The following ANKMY2 variants were observed in gnomAD, a reference collection of about 807,000 sequenced individuals.
ANKMY2 encodes ankyrin repeat and MYND domain containing 2.
ANKMY2 carries 36 observed loss-of-function variants against 50.4 expected under a neutral mutation model. The ratio of observed to expected loss-of-function variants is 0.71; its 90% CI spans 0.55 to 0.94. The LOEUF (loss-of-function observed/expected upper bound fraction) is 0.94. ANKMY2 is among the 40% of genes least tolerant of loss of function. The probability of loss-of-function intolerance (pLI) is 0.00; values close to 1 mark genes in which losing one functional copy is unlikely to be tolerated. For missense variants in ANKMY2, 565 were observed against 524.0 expected (o/e 1.08, Z -0.76); for synonymous variants, 187 against 178.8 (o/e 1.05, Z -0.36).
At chr7:16,603,378 C>T (rs1781102197) in intron 8 of ANKMY2, among the ~76,000 whole-genome samples, 1 of 151,856 alleles carries the variant, frequency 6.6e-6, no homozygotes, top group South Asian at 2.1e-4. Flanking sequence ...TCGAGGTAGA[C>T]AGAAAAATGG....
intron 2 of ANKMY2, among the ~76,000 whole-genome samples, chr7:16,628,777 T>C (rs13244390): frequency 0.17 from 26,411 of 152,004 alleles, 2,594 homozygotes; most frequent in Middle Eastern, 0.26. Context: ...CCCGACTTCA[T>C]CATGGAGTTT....
At chr7:16,630,053 C>A (rs1781560793) in intron 2 of ANKMY2, among the ~76,000 whole-genome samples, 2 of 151,852 alleles carry the variant, frequency 1.3e-5, no homozygotes, top group African/African-American at 2.4e-5. Context: ...GAGAATATTC[C>A]CATGTTCAAA....
At position 16,604,767 on chromosome 7, in the gene ANKMY2, G is replaced by A; in HGVS notation, c.965C>T (p.Thr322Ile). 1.2e-6 allele frequency: 2 copies of A among 1,614,026 alleles called. No homozygotes were observed. The highest frequency in any genetic ancestry group is 1.7e-6 in the Non-Finnish European group (2 of 1,179,984). The change falls in exon 8 of 10, where the codon ACC becomes ATC. Residue 322 changes from threonine to isoleucine, a missense_variant. Thr to Ile is a moderately conservative substitution (Grantham distance 89). Transcript: ENST00000306999. ...VGFVDVEFCT[T>I]CGEKGASKRC... ...TTTACTTGCTCCCTTTTCTCCACAG[G>A]TAGTGCAAAATTCCACATCCACAAA...
In ANKMY2 at chr7:16,612,342, CATTT is replaced by C. The variant is rs1308993162; in HGVS notation, c.532-1583_532-1580del. On this transcript the variant is annotated intron_variant, in intron 5 of 9. Transcript: ENST00000306999. ...AAATTAAACGAATTTCACTTTTTGA[CATTT>C]ATTAGATTTATACACAATCTAGTGT... 2.6e-5 allele frequency among the ~76,000 whole-genome samples: 4 copies of C among 152,248 alleles called. No homozygotes were observed. The East Asian group carries it at 7.7e-4, about 29-fold the overall frequency.
chr7:16,618,300 CA>C lies in ANKMY2; in HGVS notation c.371-2397del, dbSNP rs200704757. On this transcript the variant is annotated intron_variant, in intron 4 of 9. Coordinates refer to ENST00000306999, the MANE Select transcript of ANKMY2 (RefSeq NM_020319.3). ...AGACACCCTGTTTCAACAAAACAAA[CA>C]AAAAAGATCGAGTGGATGAAATATC... Among the ~76,000 whole-genome samples, 390 of 151,734 alleles carry C rather than the reference CA, an allele frequency of 2.6e-3. 11 individuals carry two copies. The East Asian group carries it at 0.04, about 16-fold the overall frequency.
chr7:16,610,447 G>T, intron 6 of ANKMY2, 102 bp downstream of exon 6: 2 of 928,476 alleles, frequency 2.2e-6, no homozygotes, highest in South Asian at 1.8e-5. Flanking sequence ...AACAGCAATT[G>T]CTGCCAAAAT....
chr7:16,637,869 T>C (rs749162026), intron 1 of ANKMY2, among the ~76,000 whole-genome samples: 3 of 152,236 alleles, frequency 2.0e-5, no homozygotes, highest in African/African-American at 4.8e-5. Context: ...GGGAGAATAC[T>C]ATAGTGATTG....
chr7:16,603,749 C>T (rs974409988), intron 8 of ANKMY2: 1 of 469,142 alleles, frequency 2.1e-6, no homozygotes, highest in African/African-American at 2.0e-5. Context: ...CAAGGCTAGT[C>T]CTTGAGAGGT....
At chr7:16,605,674 CTTTTTTTT>C (rs11307797) in intron 7 of ANKMY2, among the ~76,000 whole-genome samples, 2 of 59,608 alleles carry the variant, frequency 3.4e-5, no homozygotes, top group African/African-American at 6.9e-5. Context: ...ATTTTTTGTA[CTTTTTTTT>C]TTTTTTTTTT....
At chr7:16,612,264 G>C (rs572749097) in intron 5 of ANKMY2, among the ~76,000 whole-genome samples, 1 of 152,288 alleles carries the variant, frequency 6.6e-6, no homozygotes, top group East Asian at 1.9e-4. Flanking sequence ...TATTAGTAAA[G>C]CCCATAGCTA....
At chr7:16,628,475 C>T (rs1781536247) in intron 2 of ANKMY2, among the ~76,000 whole-genome samples, 1 of 126,302 alleles carries the variant, frequency 7.9e-6, no homozygotes, top group Admixed American at 9.3e-5. Context: ...ACTCCCTTAG[C>T]TGGGAGTCTC....
chr7:16,626,505 T>C (rs901271317), intron 3 of ANKMY2, among the ~76,000 whole-genome samples: 2 of 152,182 alleles, frequency 1.3e-5, no homozygotes, highest in Non-Finnish European at 2.9e-5. Flanking sequence ...AGTACAAGGA[T>C]ATTACTTCTG....
At chr7:16,618,371 G>A (rs1474453135) in intron 4 of ANKMY2, among the ~76,000 whole-genome samples, 1 of 152,020 alleles carries the variant, frequency 6.6e-6, no homozygotes, top group Non-Finnish European at 1.5e-5. Flanking sequence ...TACAACAGAT[G>A]AAAGAGCTAA....
In ANKMY2 at chr7:16,611,331, G is replaced by A. The variant is rs112546508; in HGVS notation, c.532-568C>T. Reference sequence around the variant, plus strand: ...GATGCTTCCAATCATCTACAGTAATGAGAACAGGTCAAAGAGGAAGCCATA... The same window carrying A: ...GATGCTTCCAATCATCTACAGTAATAAGAACAGGTCAAAGAGGAAGCCATA... On this transcript the variant is annotated intron_variant, in intron 5 of 9. Transcript: ENST00000306999. 7.6e-3 allele frequency among the ~76,000 whole-genome samples: 1,160 copies of A among 152,266 alleles called. 18 individuals carry two copies. The highest frequency in any genetic ancestry group is 0.026 in the African/African-American group (1,090 of 41,548).
intron 7 of ANKMY2, among the ~76,000 whole-genome samples, chr7:16,606,140 A>G (rs1480018533): frequency 6.6e-6 from 1 of 150,650 alleles, no homozygotes; most frequent in Non-Finnish European, 1.5e-5. Flanking sequence ...TACAAAGAAA[A>G]TTATAAGGGG....
intron 4 of ANKMY2, among the ~76,000 whole-genome samples, chr7:16,623,753 C>T (rs750770585): frequency 4.6e-5 from 7 of 152,126 alleles, no homozygotes; most frequent in East Asian, 1.9e-4. Context: ...GGGGCCTGTA[C>T]ACACGGGAGT....
chr7:16,602,683 T>C (rs1299354641), intron 8 of ANKMY2, among the ~76,000 whole-genome samples, 174 bp from the exon 9 acceptor site: 1 of 152,220 alleles, frequency 6.6e-6, no homozygotes, highest in Non-Finnish European at 1.5e-5. Flanking sequence ...TCATACTGAA[T>C]TGTGATCCCA....
chr7:16,610,769 G>C lies in ANKMY2; in HGVS notation c.532-6C>G, dbSNP rs1474398152. 6.2e-7 allele frequency: 1 copy of C among 1,612,522 alleles called. No individual in the cohort carries two copies. Among genetic ancestry groups the C allele is most frequent in the Non-Finnish European group, 8.5e-7 (1 of 1,179,264 alleles). On this transcript the variant is annotated splice_region_variant and splice_polypyrimidine_tract_variant and intron_variant, in intron 5 of 9. Coordinates refer to ENST00000306999, the MANE Select transcript of ANKMY2 (RefSeq NM_020319.3). ...TCATTTACAAGCATCACGATCTAGA[G>C]GAAATCCCAGTGTACTCAGGTATTA...
At chr7:16,623,360 T>C (rs1488603431) in intron 4 of ANKMY2, among the ~76,000 whole-genome samples, 2 of 152,150 alleles carry the variant, frequency 1.3e-5, no homozygotes, top group Non-Finnish European at 2.9e-5. Flanking sequence ...ATTTTTACTG[T>C]AGTAAAAATT....
Sources: gnomAD v4.1 joint callset for allele counts (sites outside exome capture counted in the v4.1 genomes callset) on GRCh38, gnomAD v4.1.1 for gene constraint, MANE v1.5 for transcripts, NCBI Gene and HGNC (gene_info 2026-07-23, HGNC 2026-07-21) for gene names.